The following KCNIP4 variants were observed in gnomAD, a reference collection of about 807,000 sequenced individuals.
The protein encoded by KCNIP4 is potassium voltage-gated channel interacting protein 4.
A neutral mutation model predicts 34.0 loss-of-function variants in KCNIP4; 12 were observed. That is an observed-to-expected ratio of 0.35 (90% CI 0.23 to 0.57). The LOEUF (loss-of-function observed/expected upper bound fraction) is 0.57, where lower values mean the gene tolerates loss of function less well. Among genes scored for constraint, KCNIP4 ranks in the 20% least tolerant of loss-of-function variants. The probability of loss-of-function intolerance (pLI) is 0.83; values close to 1 mark genes in which losing one functional copy is unlikely to be tolerated. For missense variants in KCNIP4, 238 were observed against 311.7 expected (o/e 0.76, Z 1.78); for synonymous variants, 124 against 102.2 (o/e 1.21, Z -1.29).
intron 1 of KCNIP4, among the ~76,000 whole-genome samples, chr4:21,447,667 T>C (rs1315356053): frequency 1.3e-5 from 2 of 152,168 alleles, no homozygotes; most frequent in Non-Finnish European, 2.9e-5. Context: ...CAATAATTGA[T>C]AAAGTAGAAC....
chr4:20,748,968 G>A (rs1045021473), intron 5 of KCNIP4, among the ~76,000 whole-genome samples: 1 of 150,264 alleles, frequency 6.7e-6, no homozygotes, highest in Admixed American at 6.7e-5. Flanking sequence ...ATTTTACTAG[G>A]TGTTTATACA....
intron 1 of KCNIP4, among the ~76,000 whole-genome samples, chr4:21,380,882 A>G (rs1445017388): frequency 6.6e-6 from 1 of 151,900 alleles, no homozygotes; most frequent in Non-Finnish European, 1.5e-5. Context: ...AAAATAGCCC[A>G]TTTGTTTTCA....
chr4:21,824,892 T>G (rs1185004654), intron 1 of KCNIP4, among the ~76,000 whole-genome samples: 1 of 152,152 alleles, frequency 6.6e-6, no homozygotes, highest in Non-Finnish European at 1.5e-5. Flanking sequence ...CCATCCAATC[T>G]ACTAGCTGAC....
At chr4:20,898,594 A>G (rs1726814510) in intron 1 of KCNIP4, among the ~76,000 whole-genome samples, 1 of 152,166 alleles carries the variant, frequency 6.6e-6, no homozygotes, top group Non-Finnish European at 1.5e-5. Flanking sequence ...GCCTCTCTCC[A>G]CCAGATAGTA....
At chr4:20,792,779 A>T (rs1159601876) in intron 3 of KCNIP4, among the ~76,000 whole-genome samples, 1 of 152,198 alleles carries the variant, frequency 6.6e-6, no homozygotes, top group African/African-American at 2.4e-5. Flanking sequence ...TGATAAAATT[A>T]CAAAGAGAAA....
chr4:20,794,884 T>G (rs1713251801), intron 3 of KCNIP4, among the ~76,000 whole-genome samples: 1 of 152,214 alleles, frequency 6.6e-6, no homozygotes, highest in Admixed American at 6.5e-5. Context: ...TGAAATGTTC[T>G]TTAAAATTTT....
intron 1 of KCNIP4, among the ~76,000 whole-genome samples, chr4:21,188,038 T>C (rs967810237): frequency 2.0e-5 from 3 of 152,344 alleles, no homozygotes; most frequent in Non-Finnish European, 2.9e-5. Flanking sequence ...GACAGTAATA[T>C]GAGAAAACTT....
intron 1 of KCNIP4, among the ~76,000 whole-genome samples, chr4:21,543,561 G>T (rs546080606): frequency 7.9e-5 from 12 of 151,980 alleles, no homozygotes; most frequent in Non-Finnish European, 1.6e-4. Context: ...TGTTTATGTT[G>T]TTTGCTTTGT....
At chr4:21,230,400 T>C (rs1408368381) in intron 1 of KCNIP4, among the ~76,000 whole-genome samples, 1 of 152,172 alleles carries the variant, frequency 6.6e-6, no homozygotes, top group Non-Finnish European at 1.5e-5. Flanking sequence ...GTTTGTTACA[T>C]AGGTAAACGT....
chr4:21,642,041 T>A (rs569075106), intron 1 of KCNIP4, among the ~76,000 whole-genome samples: 1 of 152,302 alleles, frequency 6.6e-6, no homozygotes, highest in South Asian at 2.1e-4. Context: ...ATTTGCCTTT[T>A]CTGCACACGA....
intron 1 of KCNIP4, among the ~76,000 whole-genome samples, chr4:21,097,497 C>T (rs1747568262): frequency 6.6e-6 from 1 of 152,074 alleles, no homozygotes; most frequent in Non-Finnish European, 1.5e-5. Context: ...AGCATGTGCT[C>T]ATTTAAAGTC....
intron 8 of KCNIP4, 82 bp downstream of exon 8, chr4:20,731,924 C>CAGTTCATGGTAG: frequency 6.4e-7 from 1 of 1,572,166 alleles, no homozygotes; most frequent in Non-Finnish European, 8.6e-7. Flanking sequence ...ATATTTCGCC[C>CAGTTCATGGTAG]AGTTCATGGT....
intron 3 of KCNIP4, among the ~76,000 whole-genome samples, chr4:20,840,912 A>C (rs1281684790): frequency 1.3e-5 from 2 of 152,168 alleles, no homozygotes. Context: ...CATTTGATAG[A>C]ATAATATTTG....
intron 3 of KCNIP4, among the ~76,000 whole-genome samples, chr4:20,805,452 A>T (rs1714959300): frequency 1.3e-5 from 2 of 151,988 alleles, no homozygotes; most frequent in South Asian, 4.2e-4. Context: ...GTCATCTGTT[A>T]TCTCTTCACC....
At chr4:20,871,241 T>C (rs1421636684) in intron 2 of KCNIP4, among the ~76,000 whole-genome samples, 2 of 152,058 alleles carry the variant, frequency 1.3e-5, no homozygotes, top group Non-Finnish European at 2.9e-5. Flanking sequence ...GAAATTCTAA[T>C]GGAAGAGTCA....
chr4:21,215,037 G>T (rs1238918499), intron 1 of KCNIP4, among the ~76,000 whole-genome samples: 1 of 152,098 alleles, frequency 6.6e-6, no homozygotes, highest in African/African-American at 2.4e-5. Context: ...CTACTGAATC[G>T]TAACAGCACT....
At chr4:21,350,649 G>A (rs1226644584) in intron 1 of KCNIP4, among the ~76,000 whole-genome samples, 1 of 152,152 alleles carries the variant, frequency 6.6e-6, no homozygotes, top group Admixed American at 6.6e-5. Flanking sequence ...GGACAACCTT[G>A]CCCAGTGACC....
chr4:21,851,450 A>C (rs1202796625), intron 1 of KCNIP4: 2 of 152,210 alleles, frequency 1.3e-5, no homozygotes, highest in East Asian at 1.9e-4. Context: ...GAAATTACTT[A>C]ATGGGTACAA....
At chr4:20,899,842 A>G (rs1254990022) in intron 1 of KCNIP4, among the ~76,000 whole-genome samples, 2 of 152,188 alleles carry the variant, frequency 1.3e-5, no homozygotes, top group African/African-American at 4.8e-5. Flanking sequence ...GAGGTCTCCA[A>G]GAACATATTC....
Sources: gnomAD v4.1 joint callset for allele counts (sites outside exome capture counted in the v4.1 genomes callset) on GRCh38, gnomAD v4.1.1 for gene constraint, MANE v1.5 for transcripts, NCBI Gene and HGNC (gene_info 2026-07-23, HGNC 2026-07-21) for gene names.